FUBP1: variants seen among roughly 807,000 people sequenced by gnomAD.
The protein encoded by FUBP1 is far upstream element-binding protein 1.
A neutral mutation model predicts 94.9 loss-of-function variants in FUBP1; 16 were observed. The observed-to-expected ratio is 0.17, with a 90% CI of 0.11 to 0.26. FUBP1 has a LOEUF of 0.26. FUBP1 is among the 10% of genes least tolerant of loss of function. The pLI is 1.00. For synonymous variants in FUBP1, 279 were observed against 254.9 expected, an observed-to-expected ratio of 1.09 and a Z score of -0.90; for missense variants, 583 against 808.6, an observed-to-expected ratio of 0.72 and a Z score of 3.38.
intron 5 of FUBP1, 23 bp downstream of exon 5, chr1:77,967,011 GATCATGTTTTCAAAA>G: frequency 6.5e-7 from 1 of 1,535,892 alleles, no homozygotes; most frequent in South Asian, 1.2e-5. Flanking sequence ...AGTATGTTTT[GATCATGTTTTCAAAA>G]CTTTAAAAAT....
At chr1:77,958,166 C>A (rs1654819141) in intron 16 of FUBP1, among the ~76,000 whole-genome samples, 2 of 152,176 alleles carry the variant, frequency 1.3e-5, no homozygotes, top group South Asian at 4.1e-4. Flanking sequence ...TGAGATAAAA[C>A]AGACTTTAGG....
Position 77,947,082 on chromosome 1 carries a change from G to A in FUBP1, c.*1684C>T. The A allele has an allele frequency of 4.9e-6, 1 of 206,138 alleles. No individual in the cohort carries two copies. Among genetic ancestry groups the A allele is most frequent in the African/African-American group, 2.3e-5 (1 of 43,872 alleles). 12.8% of individuals were successfully genotyped at this position (206,138 alleles called of 1,614,324 possible). On this transcript the variant is annotated 3_prime_UTR_variant, in exon 20 of 20. Coordinates refer to ENST00000370768, the MANE Select transcript of FUBP1 (RefSeq NM_003902.5). ...AAAATTGCTACATTGCTCATTATTT[G>A]CAAACTGAAATCCCCTTCTGTCTGA...
rs1347050285 is a variant in FUBP1, at chr1:77,946,952, G to A, written c.*1814C>T. 4.9e-6 allele frequency: 1 copy of A among 204,828 alleles called. No individual in the cohort carries two copies. The highest frequency in any genetic ancestry group is 2.3e-5 in the African/African-American group (1 of 43,716). 12.7% of individuals were successfully genotyped at this position (204,828 alleles called of 1,614,324 possible). ...ACTGTACTGCTATTTCCATCCTGTA[G>A]GTAATCTCAACATTTATGTCCTTGT... is the stretch of plus-strand genomic sequence containing the variant. On this transcript the variant is annotated 3_prime_UTR_variant, in exon 20 of 20. Transcript: ENST00000370768.
At chr1:77,953,395 G>A (rs1426559988) in intron 18 of FUBP1, among the ~76,000 whole-genome samples, 2 of 152,116 alleles carry the variant, frequency 1.3e-5, no homozygotes, top group Non-Finnish European at 1.5e-5. Flanking sequence ...GGAGTATGAG[G>A]CCGGAGAATC....
intron 16 of FUBP1, 101 bp from the exon 17 acceptor site, chr1:77,956,801 C>A (rs1055070444): frequency 2.9e-6 from 2 of 695,714 alleles, no homozygotes; most frequent in Non-Finnish European, 4.5e-6. Context: ...AAATATACAG[C>A]CCCCAAAATT....
At chr1:77,972,161 C>T (rs893395606) in intron 1 of FUBP1, among the ~76,000 whole-genome samples, 2 of 152,084 alleles carry the variant, frequency 1.3e-5, no homozygotes, top group East Asian at 1.9e-4. Context: ...CTTTTCCACC[C>T]TTAGGTCTTA....
At chr1:77,964,462 TA>T in intron 10 of FUBP1, 106 bp from the exon 11 acceptor site, 1 of 710,710 alleles carries the variant, frequency 1.4e-6, no homozygotes, top group Non-Finnish European at 2.3e-6. Flanking sequence ...CCTCAAATCA[TA>T]AAAGTACATA....
intron 7 of FUBP1, 37 bp from the exon 8 acceptor site, chr1:77,965,268 C>A: frequency 7.2e-7 from 1 of 1,390,934 alleles, no homozygotes; most frequent in Non-Finnish European, 1.0e-6. Context: ...TAAGCTGTAG[C>A]ATACCCAAGC....
chr1:77,954,918 T>C (rs1306311846), intron 18 of FUBP1, among the ~76,000 whole-genome samples: 1 of 152,166 alleles, frequency 6.6e-6, no homozygotes, highest in Non-Finnish European at 1.5e-5. Context: ...GCAGCAAAAA[T>C]AATGGTATCA....
chr1:77,947,768 T>C lies in FUBP1; in HGVS notation c.*998A>G, dbSNP rs750187426. The C allele has an allele frequency of 1.5e-6, 1 of 668,416 alleles. No individual in the cohort carries two copies. Among genetic ancestry groups the C allele is most frequent in the African/African-American group, 1.8e-5 (1 of 54,098 alleles). The allele number at this position is 668,416 out of a possible 1,614,324, so 41.4% of individuals were successfully genotyped here. On this transcript the variant is annotated 3_prime_UTR_variant, in exon 20 of 20. Transcript: ENST00000370768. The stretch of plus-strand genomic sequence containing the variant: ...TTGTGCATTTACAAAACAAAGCTTA[T>C]CTATACTGCATAAAGAAAAAAAAAA...
chr1:77,958,879 G>C (rs191268395), intron 16 of FUBP1, among the ~76,000 whole-genome samples: 1 of 152,282 alleles, frequency 6.6e-6, no homozygotes, highest in Non-Finnish European at 1.5e-5. Context: ...GGAAAGAAAA[G>C]CCCTTTCATT....
At position 77,964,319 on chromosome 1, in the gene FUBP1, C is replaced by T. The variant is rs1187148884; in HGVS notation, c.875G>A (p.Gly292Glu). 6.2e-7 allele frequency: 1 copy of T among 1,605,738 alleles called. No homozygotes were observed. ...TTTTTTGATCATCTCTCCATTTCTT[C>T]CTATTACAATGCCAACAGCAAATCT... Reference protein sequence around the residue: ...IPRFAVGIVIGRNGEMIKKIQ... With the variant: ...IPRFAVGIVIERNGEMIKKIQ... Residue 292 changes from glycine (G) to glutamate (E), a missense_variant, in exon 11 of 20, where the codon GGA (glycine) becomes GAA (glutamate). Gly to Glu is a moderately conservative substitution (Grantham distance 98). Transcript: ENST00000370768.
At chr1:77,964,449 C>T in intron 10 of FUBP1, 93 bp from the exon 11 acceptor site, 2 of 780,798 alleles carry the variant, frequency 2.6e-6, no homozygotes, top group Admixed American at 5.4e-5. Flanking sequence ...TCCTGAAAAT[C>T]TGCCTCAAAT....
Position 77,966,637 on chromosome 1 carries a change from A to C in FUBP1, c.473+57T>G. 5.7e-6 allele frequency: 5 copies of C among 871,948 alleles called. No homozygotes were observed. In the South Asian group the frequency reaches 7.0e-5, roughly 12 times the overall value. The allele number at this position is 871,948 out of a possible 1,614,324, so 54.0% of individuals were successfully genotyped here. On this transcript the variant is annotated intron_variant, in intron 7 of 19. Coordinates refer to ENST00000370768, the MANE Select transcript of FUBP1 (RefSeq NM_003902.5). ...AGCAGTAACAAAGAGAAGAGACAAA[A>C]TTCAAAGAGTTCTGCTGTTGTTACT... is the stretch of plus-strand genomic sequence containing the variant.
intron 14 of FUBP1, among the ~76,000 whole-genome samples, chr1:77,962,281 T>C (rs1295682554): frequency 6.6e-6 from 1 of 152,190 alleles, no homozygotes; most frequent in African/African-American, 2.4e-5. Context: ...CTGTATATTA[T>C]GTGTAGGAGT....
At position 77,965,146 on chromosome 1, in the gene FUBP1, C is replaced by A. The variant is rs765512736; in HGVS notation, c.559G>T (p.Val187Phe). ...FHHGDGPGNA[V>F]QEIMIPASKA... is the part of the protein sequence containing the mutation. ...CTAGCTGGAATCATGATTTCTTGAA[C>A]TGCATTTCCCGGTCCATCGCCATGA... Residue 187 changes from valine (V) to phenylalanine (F), a missense_variant, in exon 8 of 20, where the codon GTT (valine) becomes TTT (phenylalanine). Coordinates refer to ENST00000370768, the MANE Select transcript of FUBP1 (RefSeq NM_003902.5). 3.7e-6 allele frequency: 6 copies of A among 1,612,412 alleles called. No homozygotes were observed. Among genetic ancestry groups the A allele is most frequent in the Non-Finnish European group, 5.1e-6 (6 of 1,178,502 alleles).
rs186975933 is a variant in FUBP1, at chr1:77,979,060, C to T, written c.-56G>A. 1.7e-4 allele frequency: 262 copies of T among 1,506,170 alleles called. 1 individual carries two copies. The African/African-American group carries it at 3.2e-3, about 18-fold the overall frequency. The allele number at this position is 1,506,170 out of a possible 1,614,324, so 93.3% of individuals were successfully genotyped here. ...TCAGAGACTTCCTCTCAGCTAACAG[C>T]TAAGAAAGAAAGAAAATGGCGGCCG... On this transcript the variant is annotated 5_prime_UTR_variant, in exon 1 of 20. Coordinates refer to ENST00000370768, the MANE Select transcript of FUBP1 (RefSeq NM_003902.5).
intron 2 of FUBP1, among the ~76,000 whole-genome samples, chr1:77,968,476 A>T (rs567424290): frequency 4.6e-5 from 7 of 152,204 alleles, no homozygotes; most frequent in Non-Finnish European, 8.8e-5. Flanking sequence ...GCACATTAGA[A>T]TGACACAAGA....
chr1:77,945,194 AATCT>A lies in FUBP1; in HGVS notation c.*3568_*3571del, dbSNP rs1254558145. Among the ~76,000 whole-genome samples, 5 of 151,722 alleles carry A rather than the reference AATCT, an allele frequency of 3.3e-5. 1 individual carries two copies. Among genetic ancestry groups the A allele is most frequent in the Admixed American group, 1.3e-4 (2 of 15,206 alleles). On this transcript the variant is annotated 3_prime_UTR_variant, in exon 20 of 20. Transcript: ENST00000370768. Reference sequence around the variant, plus strand: ...CAATGCCCCAATATCTATTATCATCAATCTATCTGTATTTTTTTTTATAAAAATG... The same window carrying A: ...CAATGCCCCAATATCTATTATCATCAATCTGTATTTTTTTTTATAAAAATG...
Sources: gnomAD v4.1 joint callset for allele counts (sites outside exome capture counted in the v4.1 genomes callset) on GRCh38, gnomAD v4.1.1 for gene constraint, MANE v1.5 for transcripts, NCBI Gene and HGNC (gene_info 2026-07-23, HGNC 2026-07-21) for gene names.